Variants in CYP19A1 observed in about 807,000 individuals in gnomAD.
The protein encoded by CYP19A1 is aromatase.
A neutral mutation model predicts 44.4 loss-of-function variants in CYP19A1; 32 were observed. That is an observed-to-expected ratio of 0.72 (90% confidence interval 0.54 to 0.97). The LOEUF (loss-of-function observed/expected upper bound fraction) is 0.97, where lower values mean the gene tolerates loss of function less well. CYP19A1 is among the 50% of genes least tolerant of loss of function. CYP19A1 has a pLI of 0.00. For synonymous variants in CYP19A1, 212 were observed against 215.6 expected, an observed-to-expected ratio of 0.98 and a Z score of 0.14; for missense variants, 598 against 637.8, an observed-to-expected ratio of 0.94 and a Z score of 0.67.
At position 51,294,058 on chromosome 15, in the gene CYP19A1, G is replaced by A. The variant is rs184055249; in HGVS notation, c.-39+44437C>T. 1.4e-4 allele frequency: 24 copies of A among 176,612 alleles called. 4 individuals are homozygous for A. The highest frequency in any genetic ancestry group is 7.4e-4 in the African/African-American group (22 of 29,734). The allele number at this position is 176,612 out of a possible 1,614,324, so 10.9% of individuals were successfully genotyped here. A position where few individuals can be genotyped will look rare whatever the true frequency, so the allele number is the denominator to read the frequency against. On this transcript the variant is annotated intron_variant, in intron 1 of 9. Coordinates refer to ENST00000396402, the MANE Select transcript of CYP19A1 (RefSeq NM_000103.4). Reference sequence around the variant, plus strand: ...AGGAGCCCCTCTGCCTGGCTGCCCCGTCTGGAAAGTGAGGAGCGTCTCTGC... The same window carrying A: ...AGGAGCCCCTCTGCCTGGCTGCCCCATCTGGAAAGTGAGGAGCGTCTCTGC...
intron 1 of CYP19A1, among the ~76,000 whole-genome samples, chr15:51,284,696 T>A (rs1457166529): frequency 6.6e-6 from 1 of 152,112 alleles, no homozygotes; most frequent in East Asian, 1.9e-4. Flanking sequence ...GATCAACCCA[T>A]AACTGCAGTG....
intron 1 of CYP19A1, among the ~76,000 whole-genome samples, chr15:51,321,352 C>G (rs886892655): frequency 2.0e-5 from 3 of 152,138 alleles, no homozygotes; most frequent in African/African-American, 7.2e-5. Flanking sequence ...ACCACACTTT[C>G]CTTCCCAGCC....
At chr15:51,300,823 G>A (rs978807695) in intron 1 of CYP19A1, among the ~76,000 whole-genome samples, 1 of 152,124 alleles carries the variant, frequency 6.6e-6, no homozygotes, top group African/African-American at 2.4e-5. Flanking sequence ...AAAATATATG[G>A]TAATGAGGAC....
At chr15:51,327,797 G>A (rs2036635535) in intron 1 of CYP19A1, among the ~76,000 whole-genome samples, 1 of 151,834 alleles carries the variant, frequency 6.6e-6, no homozygotes, top group Non-Finnish European at 1.5e-5. Flanking sequence ...CACATAACTT[G>A]TAACTCTCCT....
At chr15:51,235,003 C>G (rs991446339) in intron 3 of CYP19A1, among the ~76,000 whole-genome samples, 5 of 152,022 alleles carry the variant, frequency 3.3e-5, no homozygotes, top group African/African-American at 1.2e-4. Context: ...AGACCCTGGG[C>G]TGGGGAGAGC....
rs1038349436 is a variant in CYP19A1, at chr15:51,236,758, G to A, written c.296+101C>T. ...TTCATTTCAGTGGTAAAAATATAGC[G>A]TTAGAAACAAAGACATCAAGATTCA... On this transcript the variant is annotated intron_variant, in intron 3 of 9. Transcript: ENST00000396402. 43 of 1,395,314 alleles carry A rather than the reference G, an allele frequency of 3.1e-5. 2 individuals carry two copies. The highest frequency in any genetic ancestry group is 2.0e-4 in the Middle Eastern group (1 of 5,016). 86.4% of individuals were successfully genotyped at this position (1,395,314 alleles called of 1,614,324 possible).
intron 3 of CYP19A1, among the ~76,000 whole-genome samples, chr15:51,234,216 C>T (rs2033232492): frequency 6.6e-6 from 1 of 152,152 alleles, no homozygotes; most frequent in South Asian, 2.1e-4. Flanking sequence ...CAAACATGTC[C>T]TATTCCCGCG....
chr15:51,210,700 TG>T lies in CYP19A1; in HGVS notation c.*107del. ...TAGGAGGTATGCCTATAAAATGCCA[TG>T]GGCCACTGAGTGTTCACTGTGAGGA... On this transcript the variant is annotated 3_prime_UTR_variant, in exon 10 of 10. Transcript: ENST00000396402. The T allele has an allele frequency of 1.2e-6, 1 of 821,874 alleles. No homozygotes were observed. The allele number at this position is 821,874 out of a possible 1,614,324, so 50.9% of individuals were successfully genotyped here.
At chr15:51,335,566 G>A (rs911857471) in intron 1 of CYP19A1, among the ~76,000 whole-genome samples, 1 of 152,148 alleles carries the variant, frequency 6.6e-6, no homozygotes, top group Non-Finnish European at 1.5e-5. Context: ...TTTACATACA[G>A]ATGAAAGAGA....
intron 2 of CYP19A1, among the ~76,000 whole-genome samples, chr15:51,239,688 C>T (rs1200660285): frequency 6.6e-6 from 1 of 151,644 alleles, no homozygotes; most frequent in Non-Finnish European, 1.5e-5. Context: ...GTGTTTTGCT[C>T]TGGAGTGAGA....
chr15:51,294,637 G>A (rs867898137), intron 1 of CYP19A1, among the ~76,000 whole-genome samples: 2 of 135,860 alleles, frequency 1.5e-5, no homozygotes, highest in Non-Finnish European at 3.2e-5. Context: ...AGGTGGGGGG[G>A]TCAGCCCCCC....
chr15:51,216,489 G>T (rs1566871915), intron 6 of CYP19A1, among the ~76,000 whole-genome samples: 1 of 152,174 alleles, frequency 6.6e-6, no homozygotes, highest in Admixed American at 6.5e-5. Flanking sequence ...CTGACCTCAG[G>T]TGATCCACCC....
chr15:51,261,948 TC>T (rs1436618592), intron 1 of CYP19A1, among the ~76,000 whole-genome samples: 2 of 152,140 alleles, frequency 1.3e-5, no homozygotes, highest in African/African-American at 4.8e-5. Context: ...CCCTTTCCTC[TC>T]TGTTGGGAAC....
At chr15:51,212,654 G>T (rs1310448109) in intron 8 of CYP19A1, 93 bp from the exon 9 acceptor site, 11 of 860,872 alleles carry the variant, frequency 1.3e-5, no homozygotes, top group Non-Finnish European at 2.1e-5. Flanking sequence ...AGAACCGTTT[G>T]CTCTTGGTTG....
intron 1 of CYP19A1, chr15:51,277,853 AAAG>A (rs1327542788): frequency 6.6e-6 from 1 of 152,212 alleles, no homozygotes; most frequent in Non-Finnish European, 1.5e-5. Context: ...CAGTTATTTA[AAAG>A]AATACATACT....
intron 1 of CYP19A1, among the ~76,000 whole-genome samples, chr15:51,252,616 A>G (rs928842249): frequency 1.3e-5 from 2 of 152,156 alleles, no homozygotes; most frequent in African/African-American, 4.8e-5. Flanking sequence ...GGGCCCTCAG[A>G]CTGACAGACT....
chr15:51,252,082 G>A (rs1045869282), intron 1 of CYP19A1, among the ~76,000 whole-genome samples: 4 of 152,158 alleles, frequency 2.6e-5, no homozygotes, highest in Admixed American at 2.6e-4. Flanking sequence ...TCTTAGGCCA[G>A]CCAGTGGTGC....
At chr15:51,276,511 A>G (rs2035316175) in intron 1 of CYP19A1, among the ~76,000 whole-genome samples, 1 of 152,266 alleles carries the variant, frequency 6.6e-6, no homozygotes, top group South Asian at 2.1e-4. Flanking sequence ...AACTGAAAAC[A>G]TATCCAGACA....
chr15:51,261,320 G>A (rs2140935833), intron 1 of CYP19A1, among the ~76,000 whole-genome samples: 1 of 152,248 alleles, frequency 6.6e-6, no homozygotes, highest in South Asian at 2.1e-4. Context: ...GACCATCTTG[G>A]GAGTGGCCAA....
Sources: allele counts gnomAD v4.1 joint callset (sites outside exome capture counted in the v4.1 genomes callset), GRCh38; gene constraint gnomAD v4.1.1; transcripts MANE v1.5; gene names NCBI Gene and HGNC (gene_info 2026-07-23, HGNC 2026-07-21).